Variants in RNF145 observed in about 807,000 individuals in gnomAD.
The protein encoded by RNF145 is ring finger protein 145.
RNF145 carries 12 observed loss-of-function variants against 57.3 expected under a neutral mutation model. The observed-to-expected ratio is 0.21, with a 90% confidence interval of 0.13 to 0.34. RNF145 has a LOEUF of 0.34. RNF145 is among the 10% of genes least tolerant of loss of function. The pLI is 1.00. For missense variants in RNF145, 429 were observed against 799.0 expected, an observed-to-expected ratio of 0.54 and a Z score of 5.58; for synonymous variants, 262 against 288.3, an observed-to-expected ratio of 0.91 and a Z score of 0.92.
chr5:159,168,229 C>A (rs1784446841), intron 8 of RNF145, among the ~76,000 whole-genome samples: 1 of 152,078 alleles, frequency 6.6e-6, no homozygotes, highest in Non-Finnish European at 1.5e-5. Flanking sequence ...ACACGAACCT[C>A]AAAAATATAT....
chr5:159,179,316 G>A (rs1390183898), intron 4 of RNF145, among the ~76,000 whole-genome samples: 1 of 152,068 alleles, frequency 6.6e-6, no homozygotes, highest in African/African-American at 2.4e-5. Flanking sequence ...TTTGTCTTCT[G>A]ATTTGCCTAT....
intron 2 of RNF145, among the ~76,000 whole-genome samples, chr5:159,200,815 T>C (rs1214792717): frequency 2.0e-5 from 3 of 152,204 alleles, no homozygotes; most frequent in Non-Finnish European, 1.5e-5. Flanking sequence ...GTATATAAAC[T>C]GACAACTCTC....
intron 3 of RNF145, among the ~76,000 whole-genome samples, chr5:159,191,919 A>C (rs1785302059): frequency 2.0e-5 from 3 of 152,158 alleles, no homozygotes. Flanking sequence ...GAAACTACTT[A>C]GGTCCCCTTT....
intron 9 of RNF145, among the ~76,000 whole-genome samples, chr5:159,162,101 A>G (rs1481646666): frequency 6.6e-6 from 1 of 152,204 alleles, no homozygotes; most frequent in African/African-American, 2.4e-5. Context: ...TTAAGTTACA[A>G]TAAGCTTATC....
intron 3 of RNF145, among the ~76,000 whole-genome samples, chr5:159,190,121 T>TG (rs1785237873): frequency 6.6e-6 from 1 of 152,138 alleles, no homozygotes; most frequent in South Asian, 2.1e-4. Context: ...CAGCTCACTG[T>TG]AGCCTCAACC....
chr5:159,161,754 G>A, intron 9 of RNF145, 132 bp from the exon 10 acceptor site: 1 of 563,668 alleles, frequency 1.8e-6, no homozygotes, highest in Non-Finnish European at 3.1e-6. Context: ...GAGTATCCAG[G>A]GGAAAAAAAA....
intron 2 of RNF145, among the ~76,000 whole-genome samples, chr5:159,198,273 AAATAAAAG>A (rs1785530419): frequency 8.1e-6 from 1 of 123,410 alleles, no homozygotes; most frequent in African/African-American, 3.4e-5. Context: ...ATAAATAAAT[AAATAAAAG>A]AAATAATGAC....
At chr5:159,181,023 A>G (rs979823039) in intron 4 of RNF145, among the ~76,000 whole-genome samples, 6 of 151,890 alleles carry the variant, frequency 4.0e-5, no homozygotes, top group African/African-American at 1.5e-4. Flanking sequence ...AATATCAGAA[A>G]TCACTGCTAA....
In RNF145 at chr5:159,173,166, C is replaced by T. The variant is rs1213295652; in HGVS notation, c.797+817G>A. Among the ~76,000 whole-genome samples, 5 of 152,274 alleles carry T rather than the reference C, an allele frequency of 3.3e-5. No individual in the cohort carries two copies. The East Asian group carries it at 9.6e-4, about 29-fold the overall frequency. On this transcript the variant is annotated intron_variant, in intron 6 of 10. Transcript: ENST00000424310. Reference sequence around the variant, plus strand: ...GGTTAGTCCAAGCTTGACTAACCTGCAGCCCAGGACAGCTTTGAATGCAGC... The same window carrying T: ...GGTTAGTCCAAGCTTGACTAACCTGTAGCCCAGGACAGCTTTGAATGCAGC...
At position 159,176,856 on chromosome 5, in the gene RNF145, C is replaced by A. The variant is rs765764116; in HGVS notation, c.397G>T (p.Val133Leu). Residue 133 changes from valine to leucine, a missense_variant, in exon 5 of 11, where the codon GTG becomes TTG. By Grantham distance (32) the Val-to-Leu change is conservative. Transcript: ENST00000424310. ...FTTALIGQLV[V>L]CTLCSCVMKT... ...ATGACACAGGAGCATAAAGTACACA[C>A]CACCAACTGACCTAAAATAGGGAAT... The A allele has an allele frequency of 3.7e-6, 6 of 1,604,752 alleles. No individual in the cohort carries two copies. The highest frequency in any genetic ancestry group is 5.1e-6 in the Non-Finnish European group (6 of 1,173,438).
intron 8 of RNF145, among the ~76,000 whole-genome samples, chr5:159,164,003 A>G (rs541238487): frequency 1.3e-5 from 2 of 152,334 alleles, no homozygotes; most frequent in South Asian, 4.1e-4. Flanking sequence ...AACATCTGTG[A>G]TATGTTCTCA....
At chr5:159,182,078 A>G in intron 3 of RNF145, 27 bp from the exon 4 acceptor site, 1 of 1,299,148 alleles carries the variant, frequency 7.7e-7, no homozygotes, top group Non-Finnish European at 1.1e-6. Flanking sequence ...ATTAGAATGT[A>G]TATATTAGAT....
chr5:159,209,691 G>A, upstream of RNF145: 1 of 957,262 alleles, frequency 1.0e-6, no homozygotes, highest in Non-Finnish European at 1.4e-6. Context: ...TGCGTGGGCG[G>A]GAGACATAAG....
At chr5:159,168,642 C>A (rs769127007) in intron 8 of RNF145, among the ~76,000 whole-genome samples, 1 of 151,866 alleles carries the variant, frequency 6.6e-6, no homozygotes, top group Non-Finnish European at 1.5e-5. Context: ...AATTACATGG[C>A]CTTTGATGTC....
chr5:159,203,050 G>T (rs1209008858), intron 2 of RNF145, among the ~76,000 whole-genome samples: 1 of 151,694 alleles, frequency 6.6e-6, no homozygotes, highest in African/African-American at 2.4e-5. Context: ...TTTATCTCAG[G>T]GAACAATAAA....
At chr5:159,208,489 G>A (rs1255258170) in intron 1 of RNF145, among the ~76,000 whole-genome samples, 2 of 152,172 alleles carry the variant, frequency 1.3e-5, no homozygotes, top group East Asian at 3.9e-4. Context: ...GGGATGGCAA[G>A]ACAGAGGAAA....
At chr5:159,190,474 G>A (rs1258774575) in intron 3 of RNF145, among the ~76,000 whole-genome samples, 2 of 151,930 alleles carry the variant, frequency 1.3e-5, no homozygotes, top group African/African-American at 2.4e-5. Flanking sequence ...TATCTTGAGG[G>A]CAGGAGTTCA....
At chr5:159,201,124 G>A (rs938115707) in intron 2 of RNF145, among the ~76,000 whole-genome samples, 2 of 152,146 alleles carry the variant, frequency 1.3e-5, no homozygotes, top group African/African-American at 4.8e-5. Flanking sequence ...CTTACATGTA[G>A]ATTTTTTACA....
At chr5:159,168,692 CAAGT>C (rs1373831638) in intron 8 of RNF145, among the ~76,000 whole-genome samples, 177 bp downstream of exon 8, 6 of 151,982 alleles carry the variant, frequency 3.9e-5, no homozygotes, top group South Asian at 2.1e-4. Context: ...AAACAAAAGT[CAAGT>C]AAGTCAGACA....
Sources: gnomAD v4.1 joint callset for allele counts (sites outside exome capture counted in the v4.1 genomes callset) on GRCh38, gnomAD v4.1.1 for gene constraint, MANE v1.5 for transcripts, NCBI Gene and HGNC (gene_info 2026-07-23, HGNC 2026-07-21) for gene names.